Variants in YEATS4 observed in about 807,000 individuals in gnomAD.
The protein encoded by YEATS4 is YEATS domain-containing protein 4.
A neutral mutation model predicts 30.1 loss-of-function variants in YEATS4; 17 were observed. The ratio of observed to expected loss-of-function variants is 0.56; its 90% CI spans 0.39 to 0.85. The LOEUF is 0.85. Among genes scored for constraint, YEATS4 ranks in the 40% least tolerant of loss-of-function variants. The pLI, the probability that YEATS4 is intolerant of heterozygous loss-of-function variation, is 0.00. For missense variants in YEATS4, 142 were observed against 268.3 expected, an observed-to-expected ratio of 0.53 and a Z score of 3.29; for synonymous variants, 85 against 87.5, an observed-to-expected ratio of 0.97 and a Z score of 0.16.
chr12:69,391,261 T>C (rs1320925811), downstream of YEATS4, among the ~76,000 whole-genome samples: 6 of 150,032 alleles, frequency 4.0e-5, no homozygotes, highest in Non-Finnish European at 8.9e-5. Flanking sequence ...GCCACTGCAC[T>C]CCAGCCTGGG....
chr12:69,420,467 C>G, the YEATS4 span, among the ~76,000 whole-genome samples: 8 of 151,870 alleles, frequency 5.3e-5, no homozygotes, highest in Admixed American at 5.3e-4. Flanking sequence ...ATGTAAGGTG[C>G]TAGAAACACA....
At chr12:69,395,132 C>G (rs572287993), downstream of YEATS4, among the ~76,000 whole-genome samples, 21 of 152,118 alleles carry the variant, frequency 1.4e-4, no homozygotes, top group South Asian at 3.9e-3. Context: ...TTAAAATTCA[C>G]ACTTGTTTAC....
At chr12:69,382,982 A>G (rs964749312) in intron 6 of YEATS4, among the ~76,000 whole-genome samples, 2 of 152,188 alleles carry the variant, frequency 1.3e-5, no homozygotes, top group African/African-American at 4.8e-5. Flanking sequence ...TTTGGCGGCC[A>G]GGTGTGATGG....
the YEATS4 span, among the ~76,000 whole-genome samples, chr12:69,397,054 AGAT>A: frequency 1.1e-4 from 16 of 152,252 alleles, no homozygotes; most frequent in African/African-American, 3.9e-4. Context: ...AGAATAAAGA[AGAT>A]AATAATGCTG....
At chr12:69,400,995 A>T in the YEATS4 span, 5 of 152,218 alleles carry the variant, frequency 3.3e-5, no homozygotes, top group Non-Finnish European at 7.3e-5. Flanking sequence ...CCTGTAGTGC[A>T]CTATGCTGAT....
intron 6 of YEATS4, among the ~76,000 whole-genome samples, chr12:69,387,588 C>G (rs1243788064): frequency 6.6e-6 from 1 of 152,282 alleles, no homozygotes; most frequent in South Asian, 2.1e-4. Flanking sequence ...CAATTAGGTC[C>G]TCTGTAGTCA....
intron 6 of YEATS4, among the ~76,000 whole-genome samples, chr12:69,382,191 G>T (rs1876105267): frequency 6.6e-6 from 1 of 152,222 alleles, no homozygotes. Flanking sequence ...GCATTTGCAT[G>T]CGATGTTCGA....
chr12:69,423,804 T>C, the YEATS4 span, among the ~76,000 whole-genome samples: 1 of 152,208 alleles, frequency 6.6e-6, no homozygotes, highest in Non-Finnish European at 1.5e-5. Context: ...AGAAACATCT[T>C]GCTGGATCTA....
At chr12:69,396,061 C>T in the YEATS4 span, among the ~76,000 whole-genome samples, 3 of 152,124 alleles carry the variant, frequency 2.0e-5, no homozygotes, top group African/African-American at 7.2e-5. Context: ...TCTAGGTAGC[C>T]CTCCTGGATC....
the YEATS4 span, among the ~76,000 whole-genome samples, chr12:69,425,069 G>C: frequency 1.3e-5 from 2 of 151,992 alleles, no homozygotes; most frequent in Non-Finnish European, 2.9e-5. Flanking sequence ...ACAGGCATGG[G>C]TCACCATGCC....
intron 6 of YEATS4, among the ~76,000 whole-genome samples, chr12:69,387,119 A>G (rs1016875530): frequency 6.6e-6 from 1 of 152,196 alleles, no homozygotes; most frequent in African/African-American, 2.4e-5. Flanking sequence ...TACTGTATAA[A>G]GCTGTATATA....
the YEATS4 span, among the ~76,000 whole-genome samples, chr12:69,412,094 A>T: frequency 6.6e-6 from 1 of 152,310 alleles, no homozygotes; most frequent in South Asian, 2.1e-4. Flanking sequence ...ACACGAGGTG[A>T]TGAGGGTCGG....
chr12:69,370,359 C>T (rs1875591563), intron 4 of YEATS4, among the ~76,000 whole-genome samples: 1 of 152,196 alleles, frequency 6.6e-6, no homozygotes, highest in South Asian at 2.1e-4. Context: ...AAAGCAGTCA[C>T]AATTAATCCA....
intron 6 of YEATS4, among the ~76,000 whole-genome samples, chr12:69,380,521 C>T (rs371996483): frequency 6.6e-6 from 1 of 152,288 alleles, no homozygotes; most frequent in East Asian, 1.9e-4. Flanking sequence ...CCCCTTTAGC[C>T]ACCACCACTG....
At chr12:69,418,966 T>C in the YEATS4 span, among the ~76,000 whole-genome samples, 48 of 149,358 alleles carry the variant, frequency 3.2e-4, 1 homozygote, top group African/African-American at 1.1e-3. Flanking sequence ...GTACTAAATA[T>C]GTTTTATATG....
the YEATS4 span, chr12:69,422,904 A>T: frequency 6.6e-6 from 1 of 152,280 alleles, no homozygotes; most frequent in African/African-American, 2.4e-5. Context: ...AGTAGTCAGG[A>T]GTCATTCTCA....
chr12:69,424,590 G>C, the YEATS4 span, among the ~76,000 whole-genome samples: 1 of 152,164 alleles, frequency 6.6e-6, no homozygotes, highest in Admixed American at 6.5e-5. Context: ...GAGAGACCTG[G>C]TGGGAGGTGA....
chr12:69,404,311 G>A, the YEATS4 span, among the ~76,000 whole-genome samples: 1 of 152,182 alleles, frequency 6.6e-6, no homozygotes, highest in African/African-American at 2.4e-5. Flanking sequence ...GTTGCTTGTT[G>A]CTATGGTTTA....
intron 4 of YEATS4, among the ~76,000 whole-genome samples, chr12:69,368,469 GAAT>G (rs1281376733): frequency 6.6e-6 from 1 of 152,298 alleles, no homozygotes; most frequent in East Asian, 1.9e-4. Context: ...CTGGAAGTCT[GAAT>G]AATAAATTTA....
Sources: allele counts gnomAD v4.1 joint callset (sites outside exome capture counted in the v4.1 genomes callset), GRCh38; gene constraint gnomAD v4.1.1; transcripts MANE v1.5; gene names NCBI Gene and HGNC (gene_info 2026-07-23, HGNC 2026-07-21).